RAD17: variants seen among roughly 807,000 people sequenced by gnomAD.
The protein encoded by RAD17 is cell cycle checkpoint protein RAD17.
In RAD17, 31 loss-of-function variants were observed where a neutral mutation model predicts 81.5. That is an observed-to-expected ratio of 0.38 (90% CI 0.29 to 0.51). The LOEUF (loss-of-function observed/expected upper bound fraction) is 0.51. Ranked by LOEUF, RAD17 falls within the 20% of genes least tolerant of loss-of-function variation. The probability of loss-of-function intolerance (pLI) is 0.88; values close to 1 mark genes in which losing one functional copy is unlikely to be tolerated. For synonymous variants in RAD17, 261 were observed against 266.2 expected (o/e 0.98, Z 0.19); for missense variants, 681 against 781.2 (o/e 0.87, Z 1.53).
chr5:69,377,637 A>ACATATATATG lies in RAD17; in HGVS notation c.351+2935_351+2936insGCATATATAT, dbSNP rs1448208715. ...TACATATATATGCATATATATGTATACATATATATATGCATATATATATGT... is the reference window on the plus strand; with the variant it reads ...TACATATATATGCATATATATGTATACATATATATGCATATATATATGCATATATATATGT... On this transcript the variant is annotated intron_variant, in intron 6 of 18. Coordinates refer to ENST00000354868, the MANE Select transcript of RAD17 (RefSeq NM_133338.3). 1.5e-3 allele frequency among the ~76,000 whole-genome samples: 31 copies of ACATATATATG among 20,354 alleles called. 10 individuals are homozygous for ACATATATATG. The highest frequency in any genetic ancestry group is 4.0e-3 in the African/African-American group (24 of 5,960). The allele number at this position is 20,354 out of a possible 152,430, so 13.4% of individuals were successfully genotyped here. A position where few individuals can be genotyped will look rare whatever the true frequency, so the allele number is the denominator to read the frequency against.
intron 7 of RAD17, among the ~76,000 whole-genome samples, chr5:69,382,694 C>T (rs1476975494): frequency 1.3e-5 from 2 of 152,158 alleles, no homozygotes; most frequent in Non-Finnish European, 2.9e-5. Context: ...TAGCTTAGAT[C>T]AGTAAGTACC....
intron 6 of RAD17, among the ~76,000 whole-genome samples, chr5:69,376,879 G>A (rs771153192): frequency 9.2e-5 from 14 of 151,872 alleles, no homozygotes; most frequent in Non-Finnish European, 1.3e-4. Flanking sequence ...TCAGCCTCCC[G>A]AGTAGCTGGA....
chr5:69,401,331 A>G (rs1331936696), intron 17 of RAD17, among the ~76,000 whole-genome samples: 2 of 152,252 alleles, frequency 1.3e-5, no homozygotes, highest in African/African-American at 4.8e-5. Flanking sequence ...ATGCAGAATG[A>G]GGCAAGCTTT....
At chr5:69,387,981 A>AT (rs1764318696) in intron 11 of RAD17, among the ~76,000 whole-genome samples, 4 of 152,134 alleles carry the variant, frequency 2.6e-5, no homozygotes, top group Non-Finnish European at 1.5e-5. Context: ...ATCTAGATGA[A>AT]ATGACTGTAG....
chr5:69,410,396 A>T, intron 17 of RAD17, 97 bp from the exon 18 acceptor site: 1 of 899,346 alleles, frequency 1.1e-6, no homozygotes, highest in Non-Finnish European at 1.7e-6. Context: ...GCATTTCTCT[A>T]AAGATTAGTG....
chr5:69,393,917 T>G (rs1012409547), intron 15 of RAD17, among the ~76,000 whole-genome samples: 2 of 144,574 alleles, frequency 1.4e-5, no homozygotes, highest in African/African-American at 5.1e-5. Flanking sequence ...GGTTTTTTTT[T>G]TTTTTTTTTT....
At chr5:69,377,600 T>TAC (rs1554038759) in intron 6 of RAD17, among the ~76,000 whole-genome samples, 3 of 7,084 alleles carry the variant, frequency 4.2e-4, no homozygotes, top group Non-Finnish European at 2.1e-3. Flanking sequence ...TATATATGCA[T>TAC]ATATATATGT....
intron 12 of RAD17, 52 bp downstream of exon 12, chr5:69,389,197 C>G (rs1257781075): frequency 9.1e-7 from 1 of 1,103,810 alleles, no homozygotes; most frequent in African/African-American, 1.6e-5. Flanking sequence ...CTGACTTTCT[C>G]TTAATTCATT....
chr5:69,388,171 G>C (rs1044399815), intron 11 of RAD17, among the ~76,000 whole-genome samples: 2 of 149,208 alleles, frequency 1.3e-5, no homozygotes, highest in African/African-American at 4.9e-5. Context: ...GATATAGTAA[G>C]ACCTTGTGTC....
At position 69,370,145 on chromosome 5, in the gene RAD17, C is replaced by T. The variant is rs145569262; in HGVS notation, c.-417+212C>T. ...CCACTGATTACAGGATTACGTTGGA[C>T]GAATATTTGAGCTTAGTATTCCCTG... On this transcript the variant is annotated intron_variant, in intron 1 of 18. Coordinates refer to ENST00000354868, the MANE Select transcript of RAD17 (RefSeq NM_133338.3). 1.8e-4 allele frequency: 32 copies of T among 181,532 alleles called. No individual in the cohort carries two copies. In the East Asian group the frequency reaches 4.8e-3, roughly 27 times the overall value. The allele number at this position is 181,532 out of a possible 1,614,324, so 11.2% of individuals were successfully genotyped here.
rs765480275 is a variant in RAD17 at position 69,391,912 on chromosome 5, A to T, written c.1088A>T (p.Lys363Ile). 4.4e-6 allele frequency: 7 copies of T among 1,596,330 alleles called. No homozygotes were observed. The highest frequency in any genetic ancestry group is 6.0e-6 in the Non-Finnish European group (7 of 1,174,654). ...CTGTCAAAATCAAAACGAAGAAAAAAACCTGATAGGGTTTTTGAAAATCAA... is the reference window on the plus strand; with the variant it reads ...CTGTCAAAATCAAAACGAAGAAAAATACCTGATAGGGTTTTTGAAAATCAA... Reference protein sequence around the residue: ...AVLSKSKRRKKPDRVFENQEV... With the variant: ...AVLSKSKRRKIPDRVFENQEV... The change falls in exon 13 of 19, where the codon AAA becomes ATA. Residue 363 changes from lysine to isoleucine, a missense_variant. Lys to Ile is a moderately radical substitution (Grantham distance 102). Transcript: ENST00000354868.
At chr5:69,369,437 A>C (rs1463630135), upstream of RAD17, 1 of 1,608,288 alleles carries the variant, frequency 6.2e-7, no homozygotes, top group African/African-American at 1.3e-5. Flanking sequence ...GCCCCAGCCC[A>C]GTCCCTCCCG....
At chr5:69,409,445 A>T (rs1765833917) in intron 17 of RAD17, among the ~76,000 whole-genome samples, 1 of 152,108 alleles carries the variant, frequency 6.6e-6, no homozygotes, top group Non-Finnish European at 1.5e-5. Flanking sequence ...AGGGTTGGGA[A>T]TGGGAGGGAG....
At chr5:69,380,230 T>C (rs1763765623) in intron 6 of RAD17, among the ~76,000 whole-genome samples, 2 of 152,158 alleles carry the variant, frequency 1.3e-5, no homozygotes, top group African/African-American at 4.8e-5. Flanking sequence ...AGATGGGCAC[T>C]GTAAATACAT....
chr5:69,405,188 A>G (rs1765512971), intron 17 of RAD17, among the ~76,000 whole-genome samples: 1 of 152,106 alleles, frequency 6.6e-6, no homozygotes, highest in African/African-American at 2.4e-5. Context: ...TGTTTTGAGG[A>G]ACAGTATGGA....
chr5:69,373,876 G>A lies in RAD17; in HGVS notation c.56G>A (p.Ser19Asn). The A allele has an allele frequency of 6.2e-7, 1 of 1,610,278 alleles. No homozygotes were observed. The change falls in exon 5 of 19, where the codon AGT becomes AAT. Residue 19 changes from serine to asparagine, a missense_variant. Transcript: ENST00000354868. ...DPSFDDFLEC[S>N]GVSTITATSL... Reference sequence around the variant, plus strand: ...TCATTTGATGATTTTCTAGAGTGTAGTGGCGTCTCTACTATTACTGCCACA... The same window carrying A: ...TCATTTGATGATTTTCTAGAGTGTAATGGCGTCTCTACTATTACTGCCACA...
chr5:69,371,468 A>C lies in RAD17; in HGVS notation c.-265A>C. On this transcript the variant is annotated 5_prime_UTR_variant, in exon 3 of 19. Transcript: ENST00000354868. ...CCCCCCCCCAGGTGAATTATAGTTT[A>C]ATGTACTGCAAGTCCTAAACTACGG... 4.6e-6 allele frequency: 2 copies of C among 436,436 alleles called. No homozygotes were observed. Among genetic ancestry groups the C allele is most frequent in the Non-Finnish European group, 7.6e-6 (2 of 262,496 alleles). The allele number at this position is 436,436 out of a possible 1,614,324, so 27.0% of individuals were successfully genotyped here. A position where few individuals can be genotyped will look rare whatever the true frequency, so the allele number is the denominator to read the frequency against.
At chr5:69,382,447 AAAAT>A (rs1474967644) in intron 7 of RAD17, among the ~76,000 whole-genome samples, 7 of 152,228 alleles carry the variant, frequency 4.6e-5, no homozygotes. Context: ...ATTGTCTCAA[AAAAT>A]AAATAAATAA....
At chr5:69,392,289 C>G (rs544023661) in intron 13 of RAD17, among the ~76,000 whole-genome samples, 1 of 152,286 alleles carries the variant, frequency 6.6e-6, no homozygotes, top group East Asian at 1.9e-4. Flanking sequence ...AGCAGATCAT[C>G]TAGACTTGTA....
Sources: allele counts gnomAD v4.1 joint callset (sites outside exome capture counted in the v4.1 genomes callset), GRCh38; gene constraint gnomAD v4.1.1; transcripts MANE v1.5; gene names NCBI Gene and HGNC (gene_info 2026-07-23, HGNC 2026-07-21).